FAM81A: variants seen among roughly 807,000 people sequenced by gnomAD.
FAM81A encodes protein FAM81A.
In FAM81A, 19 loss-of-function variants were observed where a neutral mutation model predicts 46.7. The observed-to-expected ratio is 0.41, with a 90% CI of 0.28 to 0.60. The LOEUF (loss-of-function observed/expected upper bound fraction) is 0.60, where lower values mean the gene tolerates loss of function less well. FAM81A is among the 20% of genes least tolerant of loss of function. The pLI, the probability that FAM81A is intolerant of heterozygous loss-of-function variation, is 0.34. For synonymous variants in FAM81A, 183 were observed against 152.9 expected (o/e 1.20, Z -1.45); for missense variants, 377 against 453.5 (o/e 0.83, Z 1.53).
intron 3 of FAM81A, among the ~76,000 whole-genome samples, chr15:59,479,978 A>G (rs569174753): frequency 2.5e-4 from 38 of 152,292 alleles, no homozygotes; most frequent in African/African-American, 8.9e-4. Flanking sequence ...GAAGGATTTT[A>G]GGGGAGCAAG....
In FAM81A at chr15:59,460,605, A is replaced by G; in HGVS notation, c.294+399A>G. ...TTCAGATTAAATGTTTCTAGGTCAT[A>G]ATGATTATATGTAATACAGTTTATT... On this transcript the variant is annotated intron_variant, in intron 3 of 8. Transcript: ENST00000288228. This position sits in a 1 kb window ranked among gnomAD's most constrained non-coding sequence, Gnocchi z 4.4. The G allele has an allele frequency of 2.9e-6, 1 of 339,080 alleles. No individual in the cohort carries two copies. Among genetic ancestry groups the G allele is most frequent in the Non-Finnish European group, 5.7e-6 (1 of 174,972 alleles). 21.0% of individuals were successfully genotyped at this position (339,080 alleles called of 1,614,324 possible). A position where few individuals can be genotyped will look rare whatever the true frequency, so the allele number is the denominator to read the frequency against.
chr15:59,443,172 T>G (rs1201686890), intron 1 of FAM81A, among the ~76,000 whole-genome samples: 1 of 152,182 alleles, frequency 6.6e-6, no homozygotes, highest in African/African-American at 2.4e-5. Flanking sequence ...AGCCTCCGCC[T>G]CCCTGGTTCA....
At chr15:59,429,090 T>G (rs1360161582) in intron 2 of FAM81A, among the ~76,000 whole-genome samples, 2 of 152,252 alleles carry the variant, frequency 1.3e-5, no homozygotes, top group Admixed American at 1.3e-4. Context: ...GGTGTAGAAT[T>G]CTTGAATGGA....
intron 3 of FAM81A, among the ~76,000 whole-genome samples, chr15:59,475,571 C>T (rs1391514140): frequency 6.6e-6 from 1 of 152,192 alleles, no homozygotes; most frequent in Non-Finnish European, 1.5e-5. Context: ...CTTAACCAGA[C>T]AGCACTCTTT....
intron 1 of FAM81A, chr15:59,440,061 C>G (rs1049496153): frequency 6.6e-6 from 1 of 152,216 alleles, no homozygotes; most frequent in Non-Finnish European, 1.5e-5. Flanking sequence ...GATGCTCTTC[C>G]GCTTCTCCTT....
At position 59,439,855 on chromosome 15, in the gene FAM81A, C is replaced by T. The variant is rs558038057; in HGVS notation, c.-78+1573C>T. On this transcript the variant is annotated intron_variant, in intron 1 of 8. Transcript: ENST00000288228. ...TTATTAGCGCATTATTCAGCCTCCT[C>T]TCTCTGCAGGCCACTAGGCTGTGTC... 1.1e-4 allele frequency: 17 copies of T among 152,344 alleles called. No homozygotes were observed. In the South Asian group the frequency reaches 1.9e-3, roughly 17 times the overall value. 9.4% of individuals were successfully genotyped at this position (152,344 alleles called of 1,614,324 possible).
At chr15:59,433,411 C>G (rs1023485746), upstream of FAM81A, among the ~76,000 whole-genome samples, 1 of 152,014 alleles carries the variant, frequency 6.6e-6, no homozygotes, top group Non-Finnish European at 1.5e-5. Flanking sequence ...TAAGTTAAGA[C>G]GTAAACATTA....
rs143885056 is a variant in FAM81A, at chr15:59,479,376, T to G, written c.295-12895T>G. Among the ~76,000 whole-genome samples, 809 of 151,878 alleles carry G rather than the reference T, an allele frequency of 5.3e-3. 7 individuals are homozygous for G. The highest frequency in any genetic ancestry group is 0.016 in the South Asian group (78 of 4,796). ...AAATACAAAAATTAGCCGGGTGTGG[T>G]GGCACGTGCCTGTACTCCCAGCTGC... On this transcript the variant is annotated intron_variant, in intron 3 of 8. Transcript: ENST00000288228.
chr15:59,431,146 C>G (rs2081218071), intron 2 of FAM81A, among the ~76,000 whole-genome samples: 2 of 152,304 alleles, frequency 1.3e-5, no homozygotes, highest in Non-Finnish European at 2.9e-5. Flanking sequence ...TCTGCAGTTA[C>G]TGCTTTCCAT....
At chr15:59,496,779 CT>C (rs1365774041) in intron 4 of FAM81A, among the ~76,000 whole-genome samples, 1 of 151,776 alleles carries the variant, frequency 6.6e-6, no homozygotes, top group African/African-American at 2.4e-5. Flanking sequence ...CAACTTCATC[CT>C]TTTTTTTCAA....
chr15:59,502,527 G>GTGTGTA (rs1490929489), intron 4 of FAM81A, among the ~76,000 whole-genome samples: 5 of 147,966 alleles, frequency 3.4e-5, no homozygotes, highest in African/African-American at 1.2e-4. Flanking sequence ...GTGTGTGTGT[G>GTGTGTA]TTTTGAGACA....
At chr15:59,411,577 C>T (rs1471441844) in intron 2 of FAM81A, among the ~76,000 whole-genome samples, 1 of 152,166 alleles carries the variant, frequency 6.6e-6, no homozygotes, top group African/African-American at 2.4e-5. Flanking sequence ...TCCATCTTCT[C>T]ACCCTCATAG....
chr15:59,515,633 A>G (rs2141839833), intron 7 of FAM81A, among the ~76,000 whole-genome samples: 1 of 152,278 alleles, frequency 6.6e-6, no homozygotes, highest in Admixed American at 6.5e-5. Context: ...TAATTTTCAT[A>G]TATGATTTTA....
chr15:59,512,666 C>T (rs978517910), intron 6 of FAM81A, among the ~76,000 whole-genome samples: 2 of 151,976 alleles, frequency 1.3e-5, no homozygotes, highest in East Asian at 1.9e-4. Flanking sequence ...CAGGGGTTCA[C>T]GGTTGTGTAC....
chr15:59,461,697 A>G (rs1460395867), intron 3 of FAM81A, among the ~76,000 whole-genome samples: 3 of 152,180 alleles, frequency 2.0e-5, no homozygotes, highest in Non-Finnish European at 2.9e-5. Context: ...TTTATGTCTG[A>G]GTAATATTCT....
upstream of FAM81A, among the ~76,000 whole-genome samples, chr15:59,437,351 G>A (rs138603021): frequency 6.6e-6 from 1 of 152,012 alleles, no homozygotes; most frequent in African/African-American, 2.4e-5. Context: ...ATGAGGCAAA[G>A]GTCGTGTCCC....
In FAM81A at chr15:59,492,358, G is replaced by A. The variant is rs775796209; in HGVS notation, c.382G>A (p.Gly128Ser). The A allele has an allele frequency of 3.2e-5, 51 of 1,613,528 alleles. 1 individual carries two copies. In the South Asian group the frequency reaches 4.2e-4, roughly 13 times the overall value. Residue 128 changes from glycine (G) to serine (S), a missense_variant, in exon 4 of 9, where the codon GGT becomes AGT. Gly to Ser is a moderately conservative substitution (Grantham distance 56). Coordinates refer to ENST00000288228, the MANE Select transcript of FAM81A (RefSeq NM_152450.3). ...LKTLEMRQLS[G>S]LGDLRGRVAR... is the part of the protein sequence containing the mutation. ...GACCCTGGAGATGCGCCAGCTCTCC[G>A]GTTTGGGAGATCTTCGAGGAAGAGT...
At chr15:59,423,265 A>AT (rs2081182404) in intron 2 of FAM81A, among the ~76,000 whole-genome samples, 1 of 151,976 alleles carries the variant, frequency 6.6e-6, no homozygotes, top group East Asian at 1.9e-4. Flanking sequence ...CGCCTGGCTA[A>AT]TTTTTTGTAT....
chr15:59,506,538 G>A (rs981037306), intron 4 of FAM81A, among the ~76,000 whole-genome samples: 1 of 152,196 alleles, frequency 6.6e-6, no homozygotes, highest in African/African-American at 2.4e-5. Flanking sequence ...CAAGCCAGCA[G>A]CTTCTTCTCA....
Sources: gnomAD v4.1 joint callset for allele counts (sites outside exome capture counted in the v4.1 genomes callset) on GRCh38, gnomAD v4.1.1 for gene constraint, Gnocchi (gnomAD v3.1) non-coding constraint, MANE v1.5 for transcripts, NCBI Gene and HGNC (gene_info 2026-07-23, HGNC 2026-07-21) for gene names.